The following ANKS1B variants were observed in gnomAD, a reference collection of about 807,000 sequenced individuals.
ANKS1B encodes ankyrin repeat and sterile alpha motif domain containing 1B.
A neutral mutation model predicts 148.3 loss-of-function variants in ANKS1B; 36 were observed. That is an observed-to-expected ratio of 0.24 (90% confidence interval 0.19 to 0.32). The LOEUF is 0.32. Among genes scored for constraint, ANKS1B ranks in the 10% least tolerant of loss-of-function variants. The probability of loss-of-function intolerance (pLI) is 1.00; values close to 1 mark genes in which losing one functional copy is unlikely to be tolerated. For synonymous variants in ANKS1B, 542 were observed against 560.8 expected, an observed-to-expected ratio of 0.97 and a Z score of 0.47; for missense variants, 1,157 against 1,542.6, an observed-to-expected ratio of 0.75 and a Z score of 4.19.
intron 4 of ANKS1B, among the ~76,000 whole-genome samples, chr12:99,799,303 A>T (rs987079594): frequency 2.6e-5 from 4 of 152,010 alleles, no homozygotes; most frequent in African/African-American, 9.7e-5. Context: ...TGTTTCTTGT[A>T]AGCCCTTCTA....
At chr12:99,361,873 T>C (rs1404882194) in intron 12 of ANKS1B, among the ~76,000 whole-genome samples, 1 of 152,056 alleles carries the variant, frequency 6.6e-6, no homozygotes, top group Non-Finnish European at 1.5e-5. Context: ...ATATTTTCTG[T>C]TCGCATTTCC....
intron 9 of ANKS1B, among the ~76,000 whole-genome samples, chr12:99,613,495 T>C (rs983825154): frequency 4.6e-5 from 7 of 152,048 alleles, no homozygotes; most frequent in African/African-American, 1.7e-4. Flanking sequence ...ATGTGGTACA[T>C]ATACAACACA....
intron 22 of ANKS1B, among the ~76,000 whole-genome samples, chr12:98,791,534 A>G (rs1398328690): frequency 4.0e-5 from 6 of 149,738 alleles, no homozygotes; most frequent in Non-Finnish European, 1.5e-5. Context: ...TGATGCTTCC[A>G]TGAAATTGGG....
At chr12:99,459,021 T>C (rs1391488482) in intron 10 of ANKS1B, among the ~76,000 whole-genome samples, 2 of 152,090 alleles carry the variant, frequency 1.3e-5, no homozygotes, top group African/African-American at 4.8e-5. Flanking sequence ...AACAAAATAT[T>C]ACTTAACTGA....
intron 9 of ANKS1B, among the ~76,000 whole-genome samples, chr12:99,589,753 T>C (rs2097680828): frequency 6.6e-6 from 1 of 152,152 alleles, no homozygotes; most frequent in Non-Finnish European, 1.5e-5. Context: ...AATGAATGTA[T>C]GGTACAATAG....
intron 8 of ANKS1B, among the ~76,000 whole-genome samples, chr12:99,695,133 A>G (rs1013255553): frequency 3.9e-5 from 6 of 152,222 alleles, no homozygotes; most frequent in Non-Finnish European, 7.3e-5. Context: ...TCAAAAAAGT[A>G]AGGTTTACAT....
chr12:99,218,805 C>T lies in ANKS1B; in HGVS notation c.2419+25537G>A, dbSNP rs1315073251. The stretch of plus-strand genomic sequence containing the variant: ...AATAGTGCCAAGCTCATAATAAGTG[C>T]CAACCTAAAAGTTAACTAACTATAT... On this transcript the variant is annotated intron_variant, in intron 14 of 26. Coordinates refer to ENST00000683438, the MANE Select transcript of ANKS1B (RefSeq NM_001352186.2). Among the ~76,000 whole-genome samples the T allele has an allele frequency of 2.0e-5, 3 of 152,088 alleles. No homozygotes were observed. The East Asian group carries it at 5.8e-4, about 29-fold the overall frequency.
At chr12:99,070,185 T>C (rs1359829275) in intron 16 of ANKS1B, among the ~76,000 whole-genome samples, 3 of 152,154 alleles carry the variant, frequency 2.0e-5, no homozygotes, top group Non-Finnish European at 4.4e-5. Context: ...GTGTATTCTT[T>C]AGATAGAGTT....
chr12:99,625,279 G>A (rs942008063), intron 9 of ANKS1B, among the ~76,000 whole-genome samples: 1 of 151,890 alleles, frequency 6.6e-6, no homozygotes, highest in Non-Finnish European at 1.5e-5. Context: ...ACTTCCTACT[G>A]GTTGCTATGT....
chr12:99,246,788 T>A lies in ANKS1B; in HGVS notation c.1833A>T (p.Gly611=). ...CAGGGGACTCACAGGCTGGAGAGGA[T>A]CCATGGAGCAGGCCTGCAAATTGCC... is the stretch of plus-strand genomic sequence containing the variant. ...DPGQFAGLLH[G]SSPACESPEN... is the part of the protein sequence containing the mutation. The change falls in exon 13 of 27, where the codon GGA becomes GGT. Residue 611 remains glycine (G), a synonymous_variant. Transcript: ENST00000683438. 1 of 1,613,464 alleles carries A rather than the reference T, an allele frequency of 6.2e-7. No individual in the cohort carries two copies. The highest frequency in any genetic ancestry group is 8.5e-7 in the Non-Finnish European group (1 of 1,179,820).
intron 9 of ANKS1B, among the ~76,000 whole-genome samples, chr12:99,616,325 G>A (rs953161517): frequency 6.6e-5 from 10 of 152,084 alleles, no homozygotes; most frequent in East Asian, 1.9e-4. Flanking sequence ...AAGAGCCTGC[G>A]TAGCCAGGAC....
At chr12:99,344,235 C>T (rs757327032) in intron 12 of ANKS1B, among the ~76,000 whole-genome samples, 3 of 151,988 alleles carry the variant, frequency 2.0e-5, no homozygotes, top group Non-Finnish European at 4.4e-5. Flanking sequence ...CCATGCTATT[C>T]TATTCTTAAT....
intron 11 of ANKS1B, among the ~76,000 whole-genome samples, chr12:99,430,498 G>A (rs2095351454): frequency 6.6e-6 from 1 of 152,170 alleles, no homozygotes; most frequent in South Asian, 2.1e-4. Context: ...TTGACCAAAT[G>A]AAATACAAGT....
At chr12:98,914,797 C>G (rs1322472186) in intron 17 of ANKS1B, among the ~76,000 whole-genome samples, 1 of 152,138 alleles carries the variant, frequency 6.6e-6, no homozygotes, top group Non-Finnish European at 1.5e-5. Context: ...CATGACTACT[C>G]AAATGAACCT....
intron 1 of ANKS1B, among the ~76,000 whole-genome samples, chr12:99,936,323 C>G (rs992275296): frequency 1.3e-5 from 2 of 152,168 alleles, no homozygotes; most frequent in Non-Finnish European, 2.9e-5. Flanking sequence ...ATATTTCTGT[C>G]TCCAAACGTT....
intron 10 of ANKS1B, among the ~76,000 whole-genome samples, chr12:99,488,574 G>A (rs915844920): frequency 1.6e-4 from 24 of 152,016 alleles, no homozygotes; most frequent in African/African-American, 5.1e-4. Context: ...TTATTGTCTG[G>A]AAATTTAATA....
At chr12:99,792,554 A>C (rs961661853) in intron 4 of ANKS1B, among the ~76,000 whole-genome samples, 1 of 152,010 alleles carries the variant, frequency 6.6e-6, no homozygotes, top group African/African-American at 2.4e-5. Context: ...AGGATGGTTC[A>C]ACATATGCAA....
chr12:98,884,361 TG>T (rs2099730367), intron 17 of ANKS1B, among the ~76,000 whole-genome samples: 1 of 152,236 alleles, frequency 6.6e-6, no homozygotes, highest in South Asian at 2.1e-4. Flanking sequence ...AGACATTTGT[TG>T]GATTAAGAAA....
intron 1 of ANKS1B, among the ~76,000 whole-genome samples, chr12:99,966,763 GA>G (rs1339311700): frequency 2.0e-5 from 3 of 152,132 alleles, no homozygotes; most frequent in Non-Finnish European, 4.4e-5. Context: ...TTAAAAAGGA[GA>G]AAATAGTAAT....
Sources: allele counts gnomAD v4.1 joint callset (sites outside exome capture counted in the v4.1 genomes callset), GRCh38; gene constraint gnomAD v4.1.1; transcripts MANE v1.5; gene names NCBI Gene and HGNC (gene_info 2026-07-23, HGNC 2026-07-21).